DNAH17: variants seen among roughly 807,000 people sequenced by gnomAD.
DNAH17 encodes the protein axonemal beta dynein heavy chain 17.
Under a neutral mutation model 485.6 loss-of-function variants are expected in DNAH17, and 376 were observed. The observed-to-expected ratio is 0.77, with a 90% CI of 0.71 to 0.84. The LOEUF (loss-of-function observed/expected upper bound fraction) is 0.84, where lower values mean the gene tolerates loss of function less well. DNAH17 is among the 40% of genes least tolerant of loss of function. DNAH17 has a pLI of 0.00. For missense variants in DNAH17, 6,370 were observed against 5,839.3 expected (o/e 1.09, Z -2.96); for synonymous variants, 3,031 against 2,405.9 (o/e 1.26, Z -7.60).
At chr17:78,545,498 G>C (rs961324571) in intron 16 of DNAH17, among the ~76,000 whole-genome samples, 5 of 152,110 alleles carry the variant, frequency 3.3e-5, no homozygotes, top group Non-Finnish European at 7.3e-5. Context: ...CCTTCTTGTT[G>C]TGACCTCACA....
rs539192905 is a variant in DNAH17 at position 78,450,180 on chromosome 17, C to T, written c.11040+74G>A. ...TGGCACTGCCCGATGGCTGTGTGGG[C>T]AACAGGCCTGGCTGTGGAGCCCAGA... On this transcript the variant is annotated intron_variant, in intron 68 of 80. Coordinates refer to ENST00000389840, the MANE Select transcript of DNAH17 (RefSeq NM_173628.4). The T allele has an allele frequency of 4.5e-6, 7 of 1,567,072 alleles. No homozygotes were observed. The South Asian group carries it at 7.9e-5, about 18-fold the overall frequency.
At chr17:78,456,207 G>A (rs1215290619) in intron 62 of DNAH17, among the ~76,000 whole-genome samples, 4 of 152,230 alleles carry the variant, frequency 2.6e-5, no homozygotes, top group African/African-American at 9.6e-5. Flanking sequence ...GCCGAGGCGG[G>A]AGAATTGCTT....
chr17:78,504,031 C>T (rs1199840741), intron 31 of DNAH17, among the ~76,000 whole-genome samples: 5 of 150,840 alleles, frequency 3.3e-5, no homozygotes, highest in Admixed American at 2.6e-4. Context: ...AAAGTAACTG[C>T]CACTGGGAGA....
chr17:78,444,561 C>G, intron 71 of DNAH17, 43 bp downstream of exon 71: 1 of 1,514,130 alleles, frequency 6.6e-7, no homozygotes. Context: ...TCCATCAGGC[C>G]TGGGCCTCGG....
intron 56 of DNAH17, among the ~76,000 whole-genome samples, chr17:78,464,853 A>G (rs1017759015): frequency 6.6e-5 from 10 of 152,236 alleles, no homozygotes; most frequent in African/African-American, 2.2e-4. Flanking sequence ...AAAACCCAAC[A>G]GCCCACCTTG....
rs368121012 is a variant in DNAH17 at position 78,561,804 on chromosome 17, C to T, written c.1746G>A (p.Met582Ile). Reference sequence around the variant, plus strand: ...ATTTGAGCTGCCCGGCCACGGGAGGCATGTTTTTGTGGATCAGGGGGATGT... The same window carrying T: ...ATTTGAGCTGCCCGGCCACGGGAGGTATGTTTTTGTGGATCAGGGGGATGT... ...EGNIPLIHKN[M>I]PPVAGQLKWS... The change falls in exon 12 of 81, where the codon ATG becomes ATA. Residue 582 changes from methionine (M) to isoleucine (I), a missense_variant. Physicochemically the swap from Met to Ile is conservative, Grantham distance 10. Coordinates refer to ENST00000389840, the MANE Select transcript of DNAH17 (RefSeq NM_173628.4). 7.4e-6 allele frequency: 12 copies of T among 1,613,710 alleles called. No homozygotes were observed. Among genetic ancestry groups the T allele is most frequent in the Non-Finnish European group, 9.3e-6 (11 of 1,179,834 alleles).
rs574749014 is a variant in DNAH17 at position 78,450,250 on chromosome 17, G to C, written c.11040+4C>G. 1.2e-6 allele frequency: 2 copies of C among 1,613,422 alleles called. No homozygotes were observed. Among genetic ancestry groups the C allele is most frequent in the African/African-American group, 2.7e-5 (2 of 74,936 alleles). The stretch of plus-strand genomic sequence containing the variant: ...AGGCACCCAGCCCCAGCTGCAGGGC[G>C]CACCTTGAGGGAGAACTGGTAGACG... On this transcript the variant is annotated splice_donor_region_variant and intron_variant, in intron 68 of 80. Transcript: ENST00000389840.
rs200646140 is a variant in DNAH17, at chr17:78,453,481, G to A, written c.10407-16C>T. ...ATCCAGGTAGCTGCGGGCACAACAC[G>A]GAAGCTGGTTCATGGCAGAGGGCCT... On this transcript the variant is annotated splice_polypyrimidine_tract_variant and intron_variant, in intron 64 of 80. Coordinates refer to ENST00000389840, the MANE Select transcript of DNAH17 (RefSeq NM_173628.4). 359 of 1,613,382 alleles carry A rather than the reference G, an allele frequency of 2.2e-4. No homozygotes were observed. Among genetic ancestry groups the A allele is most frequent in the Admixed American group, 7.0e-4 (42 of 59,974 alleles).
intron 19 of DNAH17, among the ~76,000 whole-genome samples, chr17:78,537,020 A>AT (rs1414204063): frequency 6.6e-6 from 1 of 151,954 alleles, no homozygotes; most frequent in Admixed American, 6.6e-5. Flanking sequence ...CTAAAAAAAA[A>AT]TAAAAAAATT....
chr17:78,425,415 T>C lies in DNAH17; in HGVS notation c.13072A>G (p.Lys4358Glu). 6.2e-7 allele frequency: 1 copy of C among 1,614,022 alleles called. No homozygotes were observed. The highest frequency in any genetic ancestry group is 8.5e-7 in the Non-Finnish European group (1 of 1,179,894). ...GCGGTCATGTCCTCTCGGTTTTTCT[T>C]GGTCACCTCGACAGACAGACACATC... ...DKMCLSVEVT[K>E]KNREDMTAPP... is the part of the protein sequence containing the mutation. The change falls in exon 80 of 81, where the codon AAG becomes GAG. Residue 4358 changes from lysine (K) to glutamate (E), a missense_variant. Coordinates refer to ENST00000389840, the MANE Select transcript of DNAH17 (RefSeq NM_173628.4).
intron 75 of DNAH17, among the ~76,000 whole-genome samples, chr17:78,432,932 C>T (rs1403193651): frequency 6.8e-6 from 1 of 146,728 alleles, no homozygotes; most frequent in African/African-American, 2.5e-5. Context: ...GTGCCAGCAC[C>T]GTTTCTCACC....
In DNAH17 at chr17:78,475,347, T is replaced by G. The variant is rs2088965355; in HGVS notation, c.8442A>C (p.Ala2814=). The G allele has an allele frequency of 6.2e-7, 1 of 1,614,016 alleles. No homozygotes were observed. The highest frequency in any genetic ancestry group is 8.5e-7 in the Non-Finnish European group (1 of 1,179,898). Residue 2814 remains alanine, a synonymous_variant, in exon 54 of 81, where the codon GCA becomes GCC. Coordinates refer to ENST00000389840, the MANE Select transcript of DNAH17 (RefSeq NM_173628.4). ...GSGKQSLSRL[A]AYISGLDVFQ... is the part of the protein sequence containing the mutation. ...ACACGTCAAGCCCGCTGATGTACGC[T>G]GCCAGGCGGGAGAGGCTCTGTTTGC... is the stretch of plus-strand genomic sequence containing the variant.
At chr17:78,480,029 T>TAAGAA (rs1568122264) in intron 49 of DNAH17, among the ~76,000 whole-genome samples, 1 of 57,320 alleles carries the variant, frequency 1.7e-5, no homozygotes, top group Non-Finnish European at 3.1e-5. Context: ...TTTTTTTTTT[T>TAAGAA]TTTTTTTTTT....
rs1185468301 is a variant in DNAH17 at position 78,501,836 on chromosome 17, C to T, written c.5228G>A (p.Gly1743Glu). 6 of 1,614,012 alleles carry T rather than the reference C, an allele frequency of 3.7e-6. No homozygotes were observed. The highest frequency in any genetic ancestry group is 5.1e-6 in the Non-Finnish European group (6 of 1,179,888). The change falls in exon 34 of 81, where the codon GGG (glycine) becomes GAG (glutamate). Residue 1743 changes from glycine to glutamate, a missense_variant. Gly to Glu is a moderately conservative substitution (Grantham distance 98). Coordinates refer to ENST00000389840, the MANE Select transcript of DNAH17 (RefSeq NM_173628.4). ...CATCCTGTCGCCAGCGTTGAGGTTC[C>T]CCATGAGCAGCGTGATGAGTACGTT... ...QLNVLITLLM[G>E]NLNAGDRMKI...
At position 78,486,425 on chromosome 17, in the gene DNAH17, G is replaced by A. The variant is rs1474602015; in HGVS notation, c.6900C>T (p.Pro2300=). The change falls in exon 45 of 81, where the codon CCC becomes CCT. Residue 2300 remains proline, a synonymous_variant. Transcript: ENST00000389840. ...CAAAGCGCAACTTGTCCAGGCACGT[G>A]GGCAGGTACTTGTCAAAGAGGATCA... ...NLMILFDKYL[P]TCLDKLRFGF... 11 of 1,613,640 alleles carry A rather than the reference G, an allele frequency of 6.8e-6. 1 individual carries two copies. The highest frequency in any genetic ancestry group is 6.7e-5 in the East Asian group (3 of 44,888).
rs759004878 is a variant in DNAH17 at position 78,441,166 on chromosome 17, G to T, written c.11562C>A (p.Phe3854Leu). 6.2e-7 allele frequency: 1 copy of T among 1,613,884 alleles called. No homozygotes were observed. The highest frequency in any genetic ancestry group is 8.5e-7 in the Non-Finnish European group (1 of 1,179,878). The change falls in exon 72 of 81, where the codon TTC becomes TTA. Residue 3854 changes from phenylalanine to leucine, a missense_variant. Phe to Leu is a conservative substitution (Grantham distance 22). Coordinates refer to ENST00000389840, the MANE Select transcript of DNAH17 (RefSeq NM_173628.4). ...AAAACTCAACACTCCGGCCTTCCACGAACTTGCTGCCCATCTTTTCCTCCA... is the reference window on the plus strand; with the variant it reads ...AAAACTCAACACTCCGGCCTTCCACTAACTTGCTGCCCATCTTTTCCTCCA... Reference protein sequence around the residue: ...NFVEEKMGSKFVEGRSVEFSK... With the variant: ...NFVEEKMGSKLVEGRSVEFSK...
intron 21 of DNAH17, 143 bp downstream of exon 21, chr17:78,530,200 G>T: frequency 1.1e-6 from 1 of 923,062 alleles, no homozygotes; most frequent in Non-Finnish European, 1.6e-6. Context: ...ACGCTTGGTG[G>T]GGTAGTTGGC....
chr17:78,562,957 C>G (rs2092189145), intron 11 of DNAH17, among the ~76,000 whole-genome samples: 1 of 152,158 alleles, frequency 6.6e-6, no homozygotes, highest in Admixed American at 6.5e-5. Context: ...TGCCATAACC[C>G]ACGCCCAATG....
Position 78,569,269 on chromosome 17 carries a change from A to T in DNAH17, c.1198-17T>A, listed in dbSNP as rs775219380. 2 of 1,599,516 alleles carry T rather than the reference A, an allele frequency of 1.3e-6. No individual in the cohort carries two copies. The highest frequency in any genetic ancestry group is 3.5e-5 in the Admixed American group (2 of 57,256). ...CTCTTTGTCCTTAGAGGAGAGAAAG[A>T]GAGATGAGGCCACGTTTGCTTCAAA... is the stretch of plus-strand genomic sequence containing the variant. On this transcript the variant is annotated splice_polypyrimidine_tract_variant and intron_variant, in intron 8 of 80. Coordinates refer to ENST00000389840, the MANE Select transcript of DNAH17 (RefSeq NM_173628.4).
Sources: allele counts gnomAD v4.1 joint callset (sites outside exome capture counted in the v4.1 genomes callset), GRCh38; gene constraint gnomAD v4.1.1; transcripts MANE v1.5; gene names NCBI Gene and HGNC (gene_info 2026-07-23, HGNC 2026-07-21).